Variants in APBB2 observed in about 807,000 individuals in gnomAD.
APBB2 encodes the protein Fe65-like 1.
Under a neutral mutation model 82.5 loss-of-function variants are expected in APBB2, and 38 were observed. The ratio of observed to expected loss-of-function variants is 0.46; its 90% CI spans 0.36 to 0.60. APBB2 has a LOEUF of 0.60. Ranked by LOEUF, APBB2 falls within the 20% of genes least tolerant of loss-of-function variation. The pLI is 0.00. For missense variants in APBB2, 772 were observed against 972.3 expected, an observed-to-expected ratio of 0.79 and a Z score of 2.74; for synonymous variants, 341 against 368.2, an observed-to-expected ratio of 0.93 and a Z score of 0.85.
At chr4:40,827,724 G>T (rs1297104144) in intron 13 of APBB2, among the ~76,000 whole-genome samples, 1 of 152,238 alleles carries the variant, frequency 6.6e-6, no homozygotes, top group Non-Finnish European at 1.5e-5. Context: ...GTGGTTAACA[G>T]TATTTGTCTC....
chr4:41,156,252 A>G (rs1368862657), intron 1 of APBB2, among the ~76,000 whole-genome samples: 3 of 152,198 alleles, frequency 2.0e-5, no homozygotes, highest in Non-Finnish European at 4.4e-5. Flanking sequence ...AATTGAGGGG[A>G]AAAAAATCAT....
chr4:41,027,022 G>C (rs2154436162), intron 5 of APBB2, among the ~76,000 whole-genome samples: 1 of 152,134 alleles, frequency 6.6e-6, no homozygotes, highest in South Asian at 2.1e-4. Context: ...CATCCTAATT[G>C]CTTCCTTGCT....
chr4:41,106,564 C>T (rs1747318753), intron 2 of APBB2, among the ~76,000 whole-genome samples: 2 of 152,138 alleles, frequency 1.3e-5, no homozygotes, highest in African/African-American at 4.8e-5. Context: ...GCAAGCTCCA[C>T]CTCCCAGGTT....
intron 2 of APBB2, among the ~76,000 whole-genome samples, chr4:41,135,267 C>T (rs73810835): frequency 0.013 from 1,985 of 151,748 alleles, 34 homozygotes; most frequent in African/African-American, 0.046. Flanking sequence ...AGATGCATGA[C>T]GATTACATTC....
chr4:41,041,460 G>T (rs1368217119), intron 4 of APBB2, among the ~76,000 whole-genome samples: 1 of 152,148 alleles, frequency 6.6e-6, no homozygotes, highest in Non-Finnish European at 1.5e-5. Flanking sequence ...TACTCTATGG[G>T]AATAAACTTG....
chr4:40,982,354 G>A (rs1398985135), intron 6 of APBB2, among the ~76,000 whole-genome samples: 2,904 of 15,990 alleles, frequency 0.18, 801 homozygotes, highest in Non-Finnish European at 0.23. Context: ...AAGGAAGGAA[G>A]GAAGGAAGGA....
chr4:40,887,512 C>A (rs1385114149), intron 12 of APBB2, among the ~76,000 whole-genome samples: 1 of 151,652 alleles, frequency 6.6e-6, no homozygotes, highest in African/African-American at 2.4e-5. Flanking sequence ...TGCAACATTA[C>A]AAATTGAATT....
At chr4:41,095,445 A>T (rs905657527) in intron 3 of APBB2, among the ~76,000 whole-genome samples, 7 of 152,196 alleles carry the variant, frequency 4.6e-5, no homozygotes, top group African/African-American at 2.4e-5. Flanking sequence ...AAAGATGAGG[A>T]AATAGGCTTT....
intron 12 of APBB2, among the ~76,000 whole-genome samples, chr4:40,849,127 G>C (rs1002344693): frequency 7.9e-5 from 12 of 151,880 alleles, no homozygotes; most frequent in Admixed American, 7.9e-4. Flanking sequence ...AAACAGTAGG[G>C]AGTTGGCTGG....
Position 41,013,632 on chromosome 4 carries a change from CCAGCT to C in APBB2, c.781_785del (p.Ser261AspfsTer15). 1 of 1,614,194 alleles carries C rather than the reference CCAGCT, an allele frequency of 6.2e-7. No homozygotes were observed. The highest frequency in any genetic ancestry group is 8.5e-7 in the Non-Finnish European group (1 of 1,180,040). On this transcript the variant is annotated frameshift_variant, in exon 6 of 18. Coordinates refer to ENST00000508593, the MANE Select transcript of APBB2 (RefSeq NM_004307.2). LOFTEE classifies it high-confidence loss of function. The stretch of plus-strand genomic sequence containing the variant: ...AGGCACTGTCTTGGGACAACGTTGT[CCAGCT>C]GGACTCCTCATCGCTCGGTGCCAGG...
intron 10 of APBB2, among the ~76,000 whole-genome samples, chr4:40,928,064 G>A (rs1204217435): frequency 1.3e-5 from 2 of 152,222 alleles, no homozygotes; most frequent in Non-Finnish European, 1.5e-5. Context: ...ATTGAGAAGT[G>A]CAAGCTACCT....
At chr4:40,877,289 T>C (rs186784505) in intron 12 of APBB2, among the ~76,000 whole-genome samples, 1 of 152,372 alleles carries the variant, frequency 6.6e-6, no homozygotes, top group African/African-American at 2.4e-5. Context: ...TAGCCTAGGT[T>C]AGCCAAGGTT....
chr4:40,845,741 C>T (rs534345177), intron 12 of APBB2, among the ~76,000 whole-genome samples: 4 of 152,054 alleles, frequency 2.6e-5, no homozygotes, highest in Middle Eastern at 3.4e-3. Flanking sequence ...ACTGAGCACG[C>T]GAGGCAAGGA....
At chr4:40,822,408 A>G (rs1748319249) in intron 16 of APBB2, 1 of 185,276 alleles carries the variant, frequency 5.4e-6, no homozygotes, top group Admixed American at 5.7e-5. Context: ...CATTTGGCCA[A>G]GTAAACCCCC....
chr4:41,060,012 A>G (rs1318788541), intron 4 of APBB2, among the ~76,000 whole-genome samples: 3 of 152,088 alleles, frequency 2.0e-5, no homozygotes, highest in Non-Finnish European at 4.4e-5. Flanking sequence ...TAATAACAAT[A>G]ACACTGGTCC....
chr4:41,109,679 CCAGG>C (rs1266489969), intron 2 of APBB2, among the ~76,000 whole-genome samples: 1 of 152,178 alleles, frequency 6.6e-6, no homozygotes. Flanking sequence ...ACCATGTTAG[CCAGG>C]ATGGTCTTGA....
chr4:41,117,319 G>A (rs959922602), intron 2 of APBB2, among the ~76,000 whole-genome samples: 7 of 145,414 alleles, frequency 4.8e-5, no homozygotes, highest in Non-Finnish European at 1.0e-4. Flanking sequence ...TTGAGATGGA[G>A]TCTCACTCTG....
At position 40,810,742 on chromosome 4, in the gene APBB2, A is replaced by C. The variant is rs1257268894; in HGVS notation, c.*5350T>G. ...CTCAGCTTATTTTGCTGATTTTGAA[A>C]ATCAAACACTATCTCCTTGCCCTAA... On this transcript the variant is annotated 3_prime_UTR_variant, in exon 18 of 18. Coordinates refer to ENST00000508593, the MANE Select transcript of APBB2 (RefSeq NM_004307.2). 6.6e-6 allele frequency: 1 copy of C among 152,150 alleles called. No homozygotes were observed. Among genetic ancestry groups the C allele is most frequent in the Non-Finnish European group, 1.5e-5 (1 of 68,026 alleles). The allele number at this position is 152,150 out of a possible 1,614,324, so 9.4% of individuals were successfully genotyped here. A position where few individuals can be genotyped will look rare whatever the true frequency, so the allele number is the denominator to read the frequency against.
In APBB2 at chr4:40,961,667, T is replaced by TAAA. The variant is rs60942744; in HGVS notation, c.836-16597_836-16595dup. 3.7e-4 allele frequency among the ~76,000 whole-genome samples: 25 copies of TAAA among 68,240 alleles called. 1 individual carries two copies. The highest frequency in any genetic ancestry group is 4.8e-4 in the African/African-American group (8 of 16,738). 44.8% of individuals were successfully genotyped at this position (68,240 alleles called of 152,430 possible). A position where few individuals can be genotyped will look rare whatever the true frequency, so the allele number is the denominator to read the frequency against. On this transcript the variant is annotated intron_variant, in intron 6 of 17. Coordinates refer to ENST00000508593, the MANE Select transcript of APBB2 (RefSeq NM_004307.2). ...AATAATGAAAGAAAAAAAAAAGATGTAAAAAAAAAAAAAAAAAAAAAAAAA... is the reference window on the plus strand; with the variant it reads ...AATAATGAAAGAAAAAAAAAAGATGTAAAAAAAAAAAAAAAAAAAAAAAAAAAA...
Sources: gnomAD v4.1 joint callset for allele counts (sites outside exome capture counted in the v4.1 genomes callset) on GRCh38, gnomAD v4.1.1 for gene constraint, MANE v1.5 for transcripts, NCBI Gene and HGNC (gene_info 2026-07-23, HGNC 2026-07-21) for gene names.